RUNX1T1: variants seen among roughly 807,000 people sequenced by gnomAD.
The protein encoded by RUNX1T1 is protein CBFA2T1.
RUNX1T1 carries 4 observed loss-of-function variants against 62.8 expected under a neutral mutation model. The ratio of observed to expected loss-of-function variants is 0.06; its 90% CI spans 0.03 to 0.15. The LOEUF is 0.15. RUNX1T1 is among the 10% of genes least tolerant of loss of function. The pLI, the probability that RUNX1T1 is intolerant of heterozygous loss-of-function variation, is 1.00. For missense variants in RUNX1T1, 508 were observed against 754.3 expected, an observed-to-expected ratio of 0.67 and a Z score of 3.82; for synonymous variants, 291 against 286.0, an observed-to-expected ratio of 1.02 and a Z score of -0.18.
chr8:92,036,504 C>T (rs1461071148), intron 1 of RUNX1T1, among the ~76,000 whole-genome samples: 1 of 152,152 alleles, frequency 6.6e-6, no homozygotes, highest in Admixed American at 6.5e-5. Context: ...CCACTGTGAT[C>T]GTCAATGTCA....
chr8:91,962,085 G>C (rs1224802687), intron 10 of RUNX1T1, among the ~76,000 whole-genome samples: 1 of 152,162 alleles, frequency 6.6e-6, no homozygotes, highest in African/African-American at 2.4e-5. Flanking sequence ...ACGTGCAAGG[G>C]AATTTTTAGC....
chr8:92,044,630 T>C (rs941754181), intron 1 of RUNX1T1, among the ~76,000 whole-genome samples: 1 of 152,236 alleles, frequency 6.6e-6, no homozygotes, highest in Non-Finnish European at 1.5e-5. Flanking sequence ...TAATGAGTTT[T>C]GGAATAAATA....
intron 1 of RUNX1T1, among the ~76,000 whole-genome samples, chr8:92,053,117 A>G (rs1366185319): frequency 6.6e-6 from 1 of 152,152 alleles, no homozygotes; most frequent in African/African-American, 2.4e-5. Flanking sequence ...CAAAGAGAGC[A>G]GCAATTAAAA....
chr8:92,038,046 C>CTTTATTTATTTATTTATTTA (rs58091057), intron 1 of RUNX1T1, among the ~76,000 whole-genome samples: 3,409 of 150,040 alleles, frequency 0.023, 143 homozygotes, highest in African/African-American at 0.077. Flanking sequence ...CAAAATTCTT[C>CTTTATTTATTTATTTATTTA]TTTATTTATT....
At chr8:92,064,289 C>T (rs1832536373), upstream of RUNX1T1, among the ~76,000 whole-genome samples, 2 of 152,206 alleles carry the variant, frequency 1.3e-5, no homozygotes, top group South Asian at 4.1e-4. Flanking sequence ...AAAAATCCAT[C>T]ATTGTCAGAG....
chr8:91,966,853 A>G (rs554253299), intron 10 of RUNX1T1, among the ~76,000 whole-genome samples: 56 of 152,338 alleles, frequency 3.7e-4, no homozygotes, highest in Admixed American at 3.5e-3. Context: ...AAATCCAAGT[A>G]AAGTTTGAGA....
chr8:92,043,585 G>C (rs1026555502), intron 1 of RUNX1T1, among the ~76,000 whole-genome samples: 1 of 151,924 alleles, frequency 6.6e-6, no homozygotes, highest in Non-Finnish European at 1.5e-5. Flanking sequence ...CATACAGAGT[G>C]TTACACTAAA....
At chr8:92,029,885 G>A (rs1825916616) in intron 1 of RUNX1T1, among the ~76,000 whole-genome samples, 1 of 152,014 alleles carries the variant, frequency 6.6e-6, no homozygotes, top group African/African-American at 2.4e-5. Context: ...TAAACACTAT[G>A]GACAGGTCAG....
At chr8:92,051,834 A>G (rs1446671602) in intron 1 of RUNX1T1, among the ~76,000 whole-genome samples, 1 of 152,086 alleles carries the variant, frequency 6.6e-6, no homozygotes, top group Non-Finnish European at 1.5e-5. Flanking sequence ...CAGATGGGGC[A>G]GTAGGCAGTA....
intron 2 of RUNX1T1, 30 bp from the exon 4 acceptor site, chr8:92,014,850 C>T: frequency 6.4e-7 from 1 of 1,572,018 alleles, no homozygotes; most frequent in East Asian, 2.3e-5. Context: ...AGAAGGAAGT[C>T]ATAAACTTAC....
chr8:92,010,236 A>G (rs570522393), intron 4 of RUNX1T1: 20 of 152,206 alleles, frequency 1.3e-4, no homozygotes, highest in Non-Finnish European at 2.5e-4. Flanking sequence ...TGAAACTTTC[A>G]CATTTATCAA....
intron 1 of RUNX1T1, among the ~76,000 whole-genome samples, chr8:92,087,310 C>T (rs1452978817): frequency 1.3e-5 from 2 of 151,946 alleles, no homozygotes; most frequent in East Asian, 3.9e-4. Context: ...TCTCATTTCC[C>T]ACTCAACACC....
At chr8:92,051,046 G>T (rs1055304883) in intron 1 of RUNX1T1, among the ~76,000 whole-genome samples, 9 of 152,026 alleles carry the variant, frequency 5.9e-5, no homozygotes, top group Non-Finnish European at 1.2e-4. Flanking sequence ...TCCCCACCTA[G>T]TAAGTCACTC....
exon 9 of RUNX1T1, chr8:91,975,946 G>T: frequency 1.2e-6 from 2 of 1,613,566 alleles, no homozygotes; most frequent in Non-Finnish European, 1.7e-6. Flanking sequence ...TCCAGACGCA[G>T]GCCTGTGAAG....
At chr8:91,959,459 T>C (rs1456619623) in exon 11 of RUNX1T1, 1,612 of 124,260 alleles carry the variant, frequency 0.013, 31 homozygotes, top group African/African-American at 0.042. Flanking sequence ...TGTGTGTGTG[T>C]GTGTGTGTAT....
intron 5 of RUNX1T1, among the ~76,000 whole-genome samples, chr8:92,000,158 T>G (rs1157039866): frequency 6.6e-6 from 1 of 151,856 alleles, no homozygotes; most frequent in African/African-American, 2.4e-5. Flanking sequence ...ATACAAAAAA[T>G]TAGCCGGGCA....
At chr8:91,985,646 T>C (rs1816400214) in intron 8 of RUNX1T1, among the ~76,000 whole-genome samples, 1 of 152,042 alleles carries the variant, frequency 6.6e-6, no homozygotes, top group Non-Finnish European at 1.5e-5. Flanking sequence ...AATATAAATA[T>C]ATATATATAT....
chr8:92,008,388 T>TCACTCTCACA (rs1821267689), intron 4 of RUNX1T1, among the ~76,000 whole-genome samples: 2 of 131,966 alleles, frequency 1.5e-5, no homozygotes, highest in African/African-American at 5.8e-5. Flanking sequence ...TCTCTCTCTC[T>TCACTCTCACA]CACACACACA....
intron 8 of RUNX1T1, among the ~76,000 whole-genome samples, chr8:91,982,534 A>C (rs985557479): frequency 2.6e-5 from 4 of 152,198 alleles, no homozygotes; most frequent in Non-Finnish European, 4.4e-5. Context: ...ATACATATAA[A>C]AGTAATTCTA....
Sources: gnomAD v4.1 joint callset for allele counts (sites outside exome capture counted in the v4.1 genomes callset) on GRCh38, gnomAD v4.1.1 for gene constraint, MANE v1.5 for transcripts, NCBI Gene and HGNC (gene_info 2026-07-23, HGNC 2026-07-21) for gene names.